Variants in RNGTT observed in about 807,000 individuals in gnomAD.
RNGTT encodes the protein mRNA-capping enzyme.
In RNGTT, 33 loss-of-function variants were observed where a neutral mutation model predicts 79.3. The observed-to-expected ratio is 0.42, with a 90% CI of 0.32 to 0.56. The LOEUF is 0.56. Ranked by LOEUF, RNGTT falls within the 20% of genes least tolerant of loss-of-function variation. The probability of loss-of-function intolerance (pLI) is 0.17; values close to 1 mark genes in which losing one functional copy is unlikely to be tolerated. For missense variants in RNGTT, 497 were observed against 739.1 expected (o/e 0.67, Z 3.80); for synonymous variants, 222 against 235.9 (o/e 0.94, Z 0.54).
intron 1 of RNGTT, among the ~76,000 whole-genome samples, chr6:88,952,277 G>GA (rs1264700234): frequency 1.3e-5 from 2 of 152,140 alleles, no homozygotes; most frequent in Non-Finnish European, 2.9e-5. Flanking sequence ...CCCACCCAAG[G>GA]AGAGTCTGAG....
intron 11 of RNGTT, among the ~76,000 whole-genome samples, chr6:88,828,335 G>T (rs1413573142): frequency 6.6e-6 from 1 of 152,172 alleles, no homozygotes; most frequent in African/African-American, 2.4e-5. Flanking sequence ...AAACAGAAAG[G>T]AATAGCATCA....
Position 88,925,945 on chromosome 6 carries a change from T to C in RNGTT, c.367+3040A>G, listed in dbSNP as rs185563838. ...ACATTTTGATTACGTAGGTCCAGGA[T>C]AGGCCCTAAAACATACATTTCTAAC... On this transcript the variant is annotated intron_variant, in intron 4 of 15. Transcript: ENST00000369485. Among the ~76,000 whole-genome samples the C allele has an allele frequency of 8.5e-5, 13 of 152,342 alleles. No individual in the cohort carries two copies. The East Asian group carries it at 2.5e-3, about 29-fold the overall frequency.
At chr6:88,946,384 C>T (rs1018950254) in intron 1 of RNGTT, among the ~76,000 whole-genome samples, 16 of 152,172 alleles carry the variant, frequency 1.1e-4, no homozygotes, top group Non-Finnish European at 2.4e-4. Flanking sequence ...GTCTCTCTCC[C>T]TCTCCTGGAG....
At chr6:88,663,384 C>T (rs1207411566) in intron 14 of RNGTT, among the ~76,000 whole-genome samples, 1 of 152,130 alleles carries the variant, frequency 6.6e-6, no homozygotes, top group Non-Finnish European at 1.5e-5. Context: ...AGGTATGGCA[C>T]AAAGTAACTG....
chr6:88,801,827 AC>A (rs1174200914), intron 11 of RNGTT, among the ~76,000 whole-genome samples, 195 bp from the exon 12 acceptor site: 6 of 137,972 alleles, frequency 4.3e-5, no homozygotes, highest in African/African-American at 1.8e-4. Context: ...ACACAGACAC[AC>A]ACACACACAC....
At chr6:88,876,239 A>C (rs1782513577) in intron 8 of RNGTT, among the ~76,000 whole-genome samples, 1 of 152,216 alleles carries the variant, frequency 6.6e-6, no homozygotes, top group Non-Finnish European at 1.5e-5. Flanking sequence ...GCATACAAAA[A>C]TAATCATGCC....
intron 13 of RNGTT, among the ~76,000 whole-genome samples, chr6:88,735,212 C>T (rs1777244777): frequency 6.6e-6 from 1 of 151,992 alleles, no homozygotes; most frequent in African/African-American, 2.4e-5. Flanking sequence ...AAAAGAGAAG[C>T]AAATCCACTG....
intron 5 of RNGTT, among the ~76,000 whole-genome samples, chr6:88,905,860 C>CCTGG: frequency 6.6e-6 from 1 of 152,268 alleles, no homozygotes; most frequent in African/African-American, 2.4e-5. Context: ...ATGCAAAACA[C>CCTGG]CTGGCTGGGT....
At chr6:88,864,835 GTCAC>G (rs1301031186) in intron 8 of RNGTT, among the ~76,000 whole-genome samples, 3 of 152,130 alleles carry the variant, frequency 2.0e-5, no homozygotes, top group African/African-American at 4.8e-5. Context: ...AAATTAGCCA[GTCAC>G]AACTGGACAA....
chr6:88,828,193 G>T (rs1299220656), intron 11 of RNGTT, among the ~76,000 whole-genome samples: 1 of 152,174 alleles, frequency 6.6e-6, no homozygotes, highest in Admixed American at 6.5e-5. Context: ...TCCGGAGGAA[G>T]AACAGGCAGA....
intron 11 of RNGTT, among the ~76,000 whole-genome samples, chr6:88,814,873 A>C (rs868558438): frequency 2.4e-4 from 36 of 152,346 alleles, no homozygotes; most frequent in Middle Eastern, 3.4e-3. Context: ...TAAGATTTTC[A>C]AATAAAGAGT....
chr6:88,963,020 G>A (rs945325667), intron 1 of RNGTT, among the ~76,000 whole-genome samples: 1 of 152,060 alleles, frequency 6.6e-6, no homozygotes, highest in African/African-American at 2.4e-5. Context: ...TCGAGGGGAA[G>A]GTTGAACCCT....
chr6:88,776,291 T>C (rs1459265144), intron 12 of RNGTT, among the ~76,000 whole-genome samples: 1 of 151,986 alleles, frequency 6.6e-6, no homozygotes, highest in Non-Finnish European at 1.5e-5. Context: ...TGACTGGTGA[T>C]GTTGAGCACC....
At chr6:88,871,206 A>G (rs1782342938) in intron 8 of RNGTT, among the ~76,000 whole-genome samples, 3 of 152,216 alleles carry the variant, frequency 2.0e-5, no homozygotes, top group Admixed American at 6.5e-5. Flanking sequence ...GAATAATATT[A>G]TCATGGTATT....
intron 14 of RNGTT, among the ~76,000 whole-genome samples, chr6:88,639,361 T>C (rs1257996842): frequency 1.3e-5 from 2 of 152,220 alleles, no homozygotes; most frequent in Admixed American, 6.5e-5. Context: ...ACTATTCATA[T>C]ATCTCAGTCT....
intron 14 of RNGTT, among the ~76,000 whole-genome samples, chr6:88,626,087 CAG>C (rs1293319643): frequency 6.6e-6 from 1 of 151,964 alleles, no homozygotes; most frequent in African/African-American, 2.4e-5. Flanking sequence ...CAGAGGGAAA[CAG>C]AGGCATAGAG....
intron 13 of RNGTT, among the ~76,000 whole-genome samples, chr6:88,689,006 G>A (rs1775378924): frequency 6.6e-6 from 1 of 152,192 alleles, no homozygotes; most frequent in Non-Finnish European, 1.5e-5. Flanking sequence ...TTAATTGACT[G>A]TGTATGTTAT....
intron 1 of RNGTT, among the ~76,000 whole-genome samples, chr6:88,960,245 G>A (rs1190068497): frequency 2.0e-5 from 3 of 152,160 alleles, no homozygotes; most frequent in Non-Finnish European, 2.9e-5. Flanking sequence ...GCACAAAGTA[G>A]ACATTTAAAT....
At chr6:88,950,860 G>A (rs201857281) in intron 1 of RNGTT, among the ~76,000 whole-genome samples, 2 of 135,858 alleles carry the variant, frequency 1.5e-5, no homozygotes, top group Admixed American at 8.0e-5. Context: ...AACTGTTTTT[G>A]GTTTTTTTTT....
Sources: allele counts gnomAD v4.1 joint callset (sites outside exome capture counted in the v4.1 genomes callset), GRCh38; gene constraint gnomAD v4.1.1; transcripts MANE v1.5; gene names NCBI Gene and HGNC (gene_info 2026-07-23, HGNC 2026-07-21).